The following SHROOM3 variants were observed in gnomAD, a reference collection of about 807,000 sequenced individuals.
SHROOM3 encodes shroom family member 3.
Under a neutral mutation model 138.6 loss-of-function variants are expected in SHROOM3, and 47 were observed. That is an observed-to-expected ratio of 0.34 (90% CI 0.27 to 0.43). The LOEUF is 0.43. SHROOM3 is among the 20% of genes least tolerant of loss of function. The pLI, the probability that SHROOM3 is intolerant of heterozygous loss-of-function variation, is 1.00. For synonymous variants in SHROOM3, 1,062 were observed against 1,063.3 expected (o/e 1.00, Z 0.02); for missense variants, 2,491 against 2,596.5 (o/e 0.96, Z 0.88).
chr4:76,608,180 C>T (rs1331248597), intron 2 of SHROOM3, among the ~76,000 whole-genome samples: 2 of 152,182 alleles, frequency 1.3e-5, no homozygotes, highest in African/African-American at 4.8e-5. Context: ...TCCAAGCATA[C>T]ACAACCTTGG....
At position 76,758,273 on chromosome 4, in the gene SHROOM3, A is replaced by T. The variant is rs369004336; in HGVS notation, c.5199-1272A>T. ...AAGATAAGATTTTTGTAGGTGTGCC[A>T]GTCAGTTCACCATGGGTGGTTGCAG... On this transcript the variant is annotated intron_variant, in intron 8 of 10. Transcript: ENST00000296043. The T allele has an allele frequency of 3.9e-4, 59 of 152,362 alleles. No individual in the cohort carries two copies. In the East Asian group the frequency reaches 7.1e-3, roughly 18 times the overall value. 9.4% of individuals were successfully genotyped at this position (152,362 alleles called of 1,614,324 possible).
intron 3 of SHROOM3, chr4:76,715,957 A>C (rs1279944442): frequency 5.4e-6 from 1 of 184,060 alleles, no homozygotes; most frequent in Non-Finnish European, 1.1e-5. Context: ...GCATGTGTTT[A>C]GCAGAGAAGA....
intron 6 of SHROOM3, among the ~76,000 whole-genome samples, chr4:76,749,768 T>C (rs955299466): frequency 6.6e-6 from 1 of 152,166 alleles, no homozygotes; most frequent in Non-Finnish European, 1.5e-5. Flanking sequence ...AAAAGTAAAA[T>C]GAGCACTTTT....
chr4:76,627,967 C>T (rs141166632), intron 2 of SHROOM3, among the ~76,000 whole-genome samples: 25 of 152,324 alleles, frequency 1.6e-4, no homozygotes, highest in African/African-American at 5.5e-4. Flanking sequence ...ACCTCCCCTT[C>T]GATGAGAATG....
In SHROOM3 at chr4:76,664,801, C is replaced by T. The variant is rs1264046528; in HGVS notation, c.324-45355C>T. Among the ~76,000 whole-genome samples the T allele has an allele frequency of 1.3e-5, 2 of 152,112 alleles. No homozygotes were observed. Among genetic ancestry groups the T allele is most frequent in the African/African-American group, 4.8e-5 (2 of 41,420 alleles). On this transcript the variant is annotated intron_variant, in intron 2 of 10. Coordinates refer to ENST00000296043, the MANE Select transcript of SHROOM3 (RefSeq NM_020859.4). This position sits in a 1 kb window ranked among gnomAD's most constrained non-coding sequence, Gnocchi z 4.2. The stretch of plus-strand genomic sequence containing the variant: ...TATCCTGCAAAACTGAAACTCTATA[C>T]ACACTAAAAACTCCATTTCCCTCTT...
intron 1 of SHROOM3, among the ~76,000 whole-genome samples, chr4:76,515,618 GGTTTTATTCCA>G (rs1732428898): frequency 1.3e-5 from 2 of 152,026 alleles, no homozygotes; most frequent in Admixed American, 1.3e-4. Context: ...CAGTGGCTTG[GGTTTTATTCCA>G]ATAGAGCAGA....
intron 2 of SHROOM3, among the ~76,000 whole-genome samples, chr4:76,630,731 A>G (rs1176691949): frequency 6.6e-6 from 1 of 152,230 alleles, no homozygotes; most frequent in Non-Finnish European, 1.5e-5. Flanking sequence ...GCTTTTGATG[A>G]TTCTTAATGA....
chr4:76,450,955 A>AT (rs148176073), intron 1 of SHROOM3, among the ~76,000 whole-genome samples: 1,494 of 148,616 alleles, frequency 0.01, 19 homozygotes, highest in African/African-American at 0.025. Flanking sequence ...TTTAGTATTG[A>AT]TTTTTTTTTT....
At chr4:76,744,366 A>G (rs1721362074) in intron 5 of SHROOM3, among the ~76,000 whole-genome samples, 1 of 152,194 alleles carries the variant, frequency 6.6e-6, no homozygotes, top group Admixed American at 6.5e-5. Context: ...TGAACAATGC[A>G]TAGTCTCTTA....
intron 4 of SHROOM3, among the ~76,000 whole-genome samples, chr4:76,732,451 T>C (rs751225237): frequency 1.3e-5 from 2 of 152,140 alleles, no homozygotes; most frequent in Non-Finnish European, 2.9e-5. Flanking sequence ...AGGACAAACC[T>C]CTCTCAGCAT....
At chr4:76,770,487 TG>T in intron 9 of SHROOM3, 138 bp from the exon 10 acceptor site, 1 of 1,008,584 alleles carries the variant, frequency 9.9e-7, no homozygotes, top group Non-Finnish European at 1.5e-6. Context: ...GGCATAATAT[TG>T]GGGGACACTC....
At chr4:76,574,008 A>C (rs570344008) in intron 2 of SHROOM3, among the ~76,000 whole-genome samples, 1 of 152,158 alleles carries the variant, frequency 6.6e-6, no homozygotes, top group East Asian at 1.9e-4. Context: ...CAGTGGAGCC[A>C]GGGTTCCCTG....
At chr4:76,628,041 G>A (rs968911668) in intron 2 of SHROOM3, among the ~76,000 whole-genome samples, 3 of 152,116 alleles carry the variant, frequency 2.0e-5, no homozygotes, top group Admixed American at 1.3e-4. Context: ...TTTGAAAATA[G>A]ACACCTACTT....
intron 2 of SHROOM3, chr4:76,644,255 C>CT (rs757146332): frequency 0.011 from 1,475 of 139,214 alleles, 17 homozygotes; most frequent in African/African-American, 0.03. Context: ...TTTTCTTTTT[C>CT]TTTTTTTTTT....
rs548914913 is a variant in SHROOM3 at position 76,458,694 on chromosome 4, C to T, written c.168+22474C>T. On this transcript the variant is annotated intron_variant, in intron 1 of 10. Coordinates refer to ENST00000296043, the MANE Select transcript of SHROOM3 (RefSeq NM_020859.4). ...TTTTATTGAGATATAAATCAAATGC[C>T]ATACAATTATCCTGTCACACACATA... Among the ~76,000 whole-genome samples, 8 of 152,256 alleles carry T rather than the reference C, an allele frequency of 5.3e-5. No homozygotes were observed. In the South Asian group the frequency reaches 1.7e-3, roughly 32 times the overall value.
At position 76,779,449 on chromosome 4, in the gene SHROOM3, G is replaced by A; in HGVS notation, c.*272G>A. 2.6e-6 allele frequency: 1 copy of A among 390,136 alleles called. No individual in the cohort carries two copies. The highest frequency in any genetic ancestry group is 4.6e-6 in the Non-Finnish European group (1 of 215,484). The allele number at this position is 390,136 out of a possible 1,614,324, so 24.2% of individuals were successfully genotyped here. ...TAATGAAACTGAGAACTGATTGGAG[G>A]GTGTTTGATCATTTAGTTTTTAACA... On this transcript the variant is annotated 3_prime_UTR_variant, in exon 11 of 11. Coordinates refer to ENST00000296043, the MANE Select transcript of SHROOM3 (RefSeq NM_020859.4).
intron 1 of SHROOM3, among the ~76,000 whole-genome samples, chr4:76,552,304 C>T (rs2110027398): frequency 6.6e-6 from 1 of 150,908 alleles, no homozygotes; most frequent in African/African-American, 2.4e-5. Context: ...CCCAGGAGTT[C>T]AAGACCAGCC....
At chr4:76,527,902 C>T (rs1028126230) in intron 1 of SHROOM3, among the ~76,000 whole-genome samples, 1 of 152,152 alleles carries the variant, frequency 6.6e-6, no homozygotes, top group African/African-American at 2.4e-5. Context: ...GAACCAATCC[C>T]CACAGCTGGT....
chr4:76,561,947 G>T (rs1409012775), intron 2 of SHROOM3, among the ~76,000 whole-genome samples: 1 of 152,010 alleles, frequency 6.6e-6, no homozygotes, highest in Non-Finnish European at 1.5e-5. Context: ...GGAGGCGGAG[G>T]TTACGGTGAG....
Sources: gnomAD v4.1 joint callset for allele counts (sites outside exome capture counted in the v4.1 genomes callset) on GRCh38, gnomAD v4.1.1 for gene constraint, Gnocchi (gnomAD v3.1) non-coding constraint, MANE v1.5 for transcripts, NCBI Gene and HGNC (gene_info 2026-07-23, HGNC 2026-07-21) for gene names.